COPA: variants seen among roughly 807,000 people sequenced by gnomAD.
COPA encodes the protein coat protein complex I subunit alpha.
A neutral mutation model predicts 158.7 loss-of-function variants in COPA; 10 were observed. That is an observed-to-expected ratio of 0.06 (90% CI 0.04 to 0.11). The LOEUF (loss-of-function observed/expected upper bound fraction) is 0.11, where lower values mean the gene tolerates loss of function less well. COPA is among the 10% of genes least tolerant of loss of function. The pLI, the probability that COPA is intolerant of heterozygous loss-of-function variation, is 1.00. For synonymous variants in COPA, 462 were observed against 542.8 expected, an observed-to-expected ratio of 0.85 and a Z score of 2.07; for missense variants, 1,065 against 1,536.7, an observed-to-expected ratio of 0.69 and a Z score of 5.13.
At position 160,323,640 on chromosome 1, in the gene COPA, AACAG is replaced by A. The variant is rs1659402385; in HGVS notation, c.607-114_607-111del. 10 of 770,152 alleles carry A rather than the reference AACAG, an allele frequency of 1.3e-5. No homozygotes were observed. In the East Asian group the frequency reaches 3.2e-4, roughly 25 times the overall value. 47.7% of individuals were successfully genotyped at this position (770,152 alleles called of 1,614,324 possible). A position where few individuals can be genotyped will look rare whatever the true frequency, so the allele number is the denominator to read the frequency against. On this transcript the variant is annotated intron_variant, in intron 7 of 32. Coordinates refer to ENST00000241704, the MANE Select transcript of COPA (RefSeq NM_004371.4). Reference sequence around the variant, plus strand: ...ATGTCTCTGATTTATTCTTCATGTGAACAGATTCAAGAGACTACGCTGCTCTAAA... The same window carrying A: ...ATGTCTCTGATTTATTCTTCATGTGAATTCAAGAGACTACGCTGCTCTAAA...
chr1:160,307,964 G>C (rs1658842743), intron 13 of COPA, among the ~76,000 whole-genome samples: 1 of 152,170 alleles, frequency 6.6e-6, no homozygotes. Flanking sequence ...CTGGCATCTG[G>C]AGTGGCAGGC....
chr1:160,290,525 A>C lies in COPA; in HGVS notation c.3582T>G (p.Pro1194=). Residue 1194 remains proline, a synonymous_variant, in exon 32 of 33, where the codon CCT becomes CCG. Transcript: ENST00000241704. ...CCCTGCAGATTTGACCTTTGAACTCAGGGGAATAGCAGGCCCCACTGAGTG... is the reference window on the plus strand; with the variant it reads ...CCCTGCAGATTTGACCTTTGAACTCCGGGGAATAGCAGGCCCCACTGAGTG... ...KCPLSGACYS[P]EFKGQICRVT... is the part of the protein sequence containing the mutation. 1 of 1,614,216 alleles carries C rather than the reference A, an allele frequency of 6.2e-7. No individual in the cohort carries two copies.
At chr1:160,337,319 C>T (rs1647822659) in intron 3 of COPA, among the ~76,000 whole-genome samples, 3 of 152,184 alleles carry the variant, frequency 2.0e-5, no homozygotes, top group Admixed American at 2.0e-4. Context: ...CTACATTTAT[C>T]TGGATATAGC....
At chr1:160,310,324 T>A in intron 11 of COPA, 66 bp from the exon 12 acceptor site, 10 of 910,856 alleles carry the variant, frequency 1.1e-5, no homozygotes, top group African/African-American at 1.7e-5. Flanking sequence ...AAGAAAGGAA[T>A]CACCCCCACA....
chr1:160,305,694 T>C lies in COPA; in HGVS notation c.1522A>G (p.Lys508Glu). The C allele has an allele frequency of 6.2e-7, 1 of 1,614,168 alleles. No individual in the cohort carries two copies. Among genetic ancestry groups the C allele is most frequent in the Non-Finnish European group, 8.5e-7 (1 of 1,180,008 alleles). ...GGATATAATGAAGACTCACCGTGTT[T>C]GGCTAGTAGTGCTACATGTGACATG... is the stretch of plus-strand genomic sequence containing the variant. ...ADMSHVALLA[K>E]HAIVICNRKL... Residue 508 changes from lysine to glutamate, a missense_variant, in exon 16 of 33, where the codon AAA (lysine) becomes GAA (glutamate). Transcript: ENST00000241704.
At position 160,290,101 on chromosome 1, in the gene COPA, A is replaced by G; in HGVS notation, c.*56T>C. On this transcript the variant is annotated 3_prime_UTR_variant, in exon 33 of 33. Transcript: ENST00000241704. The stretch of plus-strand genomic sequence containing the variant: ...GAAGGTGCTGTTAGAAGGAGGATAT[A>G]GACACATTCTCTGGGGGGAACATAT... The G allele has an allele frequency of 6.6e-7, 1 of 1,523,650 alleles. No individual in the cohort carries two copies. Among genetic ancestry groups the G allele is most frequent in the South Asian group, 1.1e-5 (1 of 88,824 alleles). 94.4% of individuals were successfully genotyped at this position (1,523,650 alleles called of 1,614,324 possible).
intron 6 of COPA, among the ~76,000 whole-genome samples, chr1:160,329,352 T>C (rs1025529877): frequency 6.6e-6 from 1 of 152,190 alleles, no homozygotes; most frequent in Admixed American, 6.5e-5. Flanking sequence ...TGCAAGGTTA[T>C]TACATAGTAA....
rs1411644974 is a variant in COPA, at chr1:160,335,289, T to G, written c.262A>C (p.Thr88Pro). 1 of 1,612,516 alleles carries G rather than the reference T, an allele frequency of 6.2e-7. No homozygotes were observed. Among genetic ancestry groups the G allele is most frequent in the Non-Finnish European group, 8.5e-7 (1 of 1,179,264 alleles). Residue 88 changes from threonine to proline, a missense_variant, in exon 4 of 33, where the codon ACA (threonine) becomes CCA (proline). Thr to Pro is a conservative substitution (Grantham distance 38). Coordinates refer to ENST00000241704, the MANE Select transcript of COPA (RefSeq NM_004371.4). Reference sequence around the variant, plus strand: ...ATATAATCTAAGTGCCCAAGCAATGTGAAAAGACAGCGCCGAAGCTTGTAA... The same window carrying G: ...ATATAATCTAAGTGCCCAAGCAATGGGAAAAGACAGCGCCGAAGCTTGTAA... ...WNYKLRRCLF[T>P]LLGHLDYIRT...
At chr1:160,295,644 A>G (rs1571150615) in intron 23 of COPA, 92 bp downstream of exon 23, 4 of 1,282,534 alleles carry the variant, frequency 3.1e-6, no homozygotes, top group Admixed American at 2.7e-5. Context: ...GCAGAAAAAA[A>G]GGACAAGTTA....
In COPA at chr1:160,313,148, G is replaced by A. The variant is rs748420244; in HGVS notation, c.862C>T (p.Arg288Cys). The change falls in exon 10 of 33, where the codon CGC (arginine) becomes TGC (cysteine). Residue 288 changes from arginine (R) to cysteine (C), a missense_variant. This residue lies in a region of COPA where 980 missense variants were observed against 1,357.8 expected (regional missense o/e 0.72). Transcript: ENST00000241704. ...MSKRTGVQTF[R>C]RDHDRFWVLA... ...ACCCAGAAACGATCATGGTCTCTGC[G>A]GAAAGTCTGAACCCCAGTCCTAGAA... 3.7e-6 allele frequency: 6 copies of A among 1,614,020 alleles called. No individual in the cohort carries two copies. The highest frequency in any genetic ancestry group is 1.1e-5 in the South Asian group (1 of 91,082).
At chr1:160,290,800 A>C (rs1210626099) in intron 31 of COPA, 114 bp from the exon 32 acceptor site, 4 of 964,574 alleles carry the variant, frequency 4.1e-6, no homozygotes, top group East Asian at 4.8e-5. Flanking sequence ...GTACTGCGTG[A>C]AAAGAGGTCC....
intron 9 of COPA, 82 bp from the exon 10 acceptor site, chr1:160,313,249 C>T (rs1659026594): frequency 4.9e-6 from 6 of 1,235,718 alleles, no homozygotes; most frequent in Non-Finnish European, 2.3e-6. Context: ...AAATGGTAAG[C>T]CAGCAAGCTG....
At chr1:160,310,363 A>C in intron 11 of COPA, 105 bp from the exon 12 acceptor site, 1 of 541,616 alleles carries the variant, frequency 1.8e-6, no homozygotes, top group Non-Finnish European at 3.3e-6. Context: ...TTTACACTAT[A>C]TACTCATCAC....
rs778616227 is a variant in COPA at position 160,309,096 on chromosome 1, C to T, written c.1219+5G>A. On this transcript the variant is annotated splice_donor_5th_base_variant and intron_variant, in intron 13 of 32. Transcript: ENST00000241704. ...CAGAGTGGGGTAGACAAAAAGAACA[C>T]TTACCATCAGGATTCTGGGAGTCAG... 56 of 1,611,644 alleles carry T rather than the reference C, an allele frequency of 3.5e-5. No homozygotes were observed. Among genetic ancestry groups the T allele is most frequent in the Non-Finnish European group, 4.8e-5 (56 of 1,177,914 alleles).
chr1:160,337,536 A>G (rs1039614520), intron 3 of COPA, among the ~76,000 whole-genome samples: 1 of 152,218 alleles, frequency 6.6e-6, no homozygotes, highest in African/African-American at 2.4e-5. Context: ...CCTGACCAAC[A>G]TGGAGAAACC....
At chr1:160,335,539 AAAC>A (rs1351704034) in intron 3 of COPA, among the ~76,000 whole-genome samples, 2 of 152,176 alleles carry the variant, frequency 1.3e-5, no homozygotes, top group Non-Finnish European at 2.9e-5. Context: ...TAGGTCAGAT[AAAC>A]AACATGGGGT....
Position 160,311,950 on chromosome 1 carries a change from T to C in COPA, c.994A>G (p.Met332Val), listed in dbSNP as rs115066135. ...AATCGGTCCTTGACATAGTGTAGCA[T>C]ATTGCCATGAACAGCATAGGCTGGC... is the stretch of plus-strand genomic sequence containing the variant. The part of the protein sequence containing the change: ...ERPAYAVHGN[M>V]LHYVKDRFLR... Residue 332 changes from methionine (M) to valine (V), a missense_variant, in exon 11 of 33, where the codon ATG (methionine) becomes GTG (valine). Physicochemically the swap from Met to Val is conservative, Grantham distance 21 (BLOSUM62 1). Around this residue, in one of 2 missense-constraint regions of COPA, gnomAD observed 980 missense variants for 1,357.8 expected, o/e 0.72. Transcript: ENST00000241704. 890 of 1,614,080 alleles carry C rather than the reference T, an allele frequency of 5.5e-4. 4 individuals are homozygous for C. The African/African-American group carries it at 0.011, about 19-fold the overall frequency.
intron 17 of COPA, among the ~76,000 whole-genome samples, chr1:160,300,069 G>A (rs1345042574): frequency 1.3e-5 from 2 of 152,156 alleles, no homozygotes; most frequent in African/African-American, 4.8e-5. Flanking sequence ...GCCAGGTACA[G>A]TGGCTCACAT....
intron 8 of COPA, among the ~76,000 whole-genome samples, chr1:160,320,668 A>G (rs900113396): frequency 6.6e-6 from 1 of 150,804 alleles, no homozygotes; most frequent in African/African-American, 2.4e-5. Flanking sequence ...ACTTCTAAAA[A>G]CCAGTGCCTA....
Sources: allele counts gnomAD v4.1 joint callset (sites outside exome capture counted in the v4.1 genomes callset), GRCh38; gene constraint gnomAD v4.1.1; regional missense constraint gnomAD v4.1.1; transcripts MANE v1.5; gene names NCBI Gene and HGNC (gene_info 2026-07-23, HGNC 2026-07-21).